ANK3: variants seen among roughly 807,000 people sequenced by gnomAD.
ANK3 encodes the protein ankyrin-3.
A neutral mutation model predicts 370.9 loss-of-function variants in ANK3; 57 were observed. That is an observed-to-expected ratio of 0.15 (90% CI 0.12 to 0.19). ANK3 has a LOEUF of 0.19. Ranked by LOEUF, ANK3 falls within the 10% of genes least tolerant of loss-of-function variation. The pLI, the probability that ANK3 is intolerant of heterozygous loss-of-function variation, is 1.00. For missense variants in ANK3, 4,439 were observed against 5,302.1 expected, an observed-to-expected ratio of 0.84 and a Z score of 5.06; for synonymous variants, 1,929 against 1,946.3, an observed-to-expected ratio of 0.99 and a Z score of 0.23.
At chr10:60,150,518 A>C (rs2095058973) in intron 23 of ANK3, among the ~76,000 whole-genome samples, 1 of 152,002 alleles carries the variant, frequency 6.6e-6, no homozygotes, top group East Asian at 1.9e-4. Context: ...GTGCCCTCCA[A>C]ATCACATGTT....
At chr10:60,545,964 C>T (rs2076954265) in intron 2 of ANK3, among the ~76,000 whole-genome samples, 1 of 152,170 alleles carries the variant, frequency 6.6e-6, no homozygotes, top group African/African-American at 2.4e-5. Context: ...TAATTTTTGC[C>T]ATGTCTTCCA....
intron 24 of ANK3, among the ~76,000 whole-genome samples, chr10:60,136,800 C>G (rs139502470): frequency 1.3e-5 from 2 of 152,098 alleles, no homozygotes; most frequent in African/African-American, 4.8e-5. Context: ...AAGTTTCACT[C>G]GGAATCCTTA....
chr10:60,646,291 A>G (rs1176733612), intron 1 of ANK3, among the ~76,000 whole-genome samples: 2 of 152,252 alleles, frequency 1.3e-5, no homozygotes, highest in African/African-American at 2.4e-5. Flanking sequence ...TTTATTCTTA[A>G]GAGCAATGAA....
chr10:60,037,692 C>T (rs1026673319), intron 43 of ANK3, among the ~76,000 whole-genome samples: 1 of 152,118 alleles, frequency 6.6e-6, no homozygotes, highest in African/African-American at 2.4e-5. Flanking sequence ...TCCAGTCTAC[C>T]ATTGATGGGC....
In ANK3 at chr10:60,483,421, T is replaced by C. The variant is rs563491649; in HGVS notation, c.96+131765A>G. 2.6e-5 allele frequency among the ~76,000 whole-genome samples: 4 copies of C among 152,262 alleles called. No homozygotes were observed. The South Asian group carries it at 8.3e-4, about 32-fold the overall frequency. ...ATAGCCATAGAAACCAAGGTATAAG[T>C]CTGTAAATAACTACTTGTCGTTTTG... On this transcript the variant is annotated intron_variant, in intron 2 of 43. Coordinates refer to the ANK3 transcript ENST00000373827.
chr10:60,033,905 G>A (rs1234669019), intron 43 of ANK3, among the ~76,000 whole-genome samples: 2 of 152,036 alleles, frequency 1.3e-5, no homozygotes, highest in Non-Finnish European at 2.9e-5. Flanking sequence ...TCCCATACCA[G>A]TTTATATAGA....
chr10:60,493,754 T>C (rs1456342733), intron 2 of ANK3, among the ~76,000 whole-genome samples: 1 of 151,944 alleles, frequency 6.6e-6, no homozygotes, highest in Non-Finnish European at 1.5e-5. Context: ...TATATAGAGA[T>C]GTAAGAACTA....
At chr10:60,277,178 G>A (rs552876996) in intron 4 of ANK3, among the ~76,000 whole-genome samples, 17 of 152,210 alleles carry the variant, frequency 1.1e-4, no homozygotes, top group Admixed American at 8.5e-4. Flanking sequence ...CTGCTATGTC[G>A]GTAGTAAGCA....
intron 2 of ANK3, among the ~76,000 whole-genome samples, chr10:60,490,164 A>G (rs2133118403): frequency 6.6e-6 from 1 of 152,306 alleles, no homozygotes; most frequent in South Asian, 2.1e-4. Context: ...ACCTTAGATG[A>G]ACCATTTTAT....
At chr10:60,259,158 A>C (rs2097772423) in intron 7 of ANK3, among the ~76,000 whole-genome samples, 1 of 152,230 alleles carries the variant, frequency 6.6e-6, no homozygotes, top group South Asian at 2.1e-4. Flanking sequence ...ATGCTAGATT[A>C]TTATACAACA....
intron 2 of ANK3, among the ~76,000 whole-genome samples, chr10:60,470,765 A>G (rs1430097934): frequency 2.0e-5 from 3 of 152,174 alleles, no homozygotes; most frequent in African/African-American, 7.2e-5. Context: ...AGCACAGAGT[A>G]GAGAGGTAAT....
intron 27 of ANK3, among the ~76,000 whole-genome samples, chr10:60,107,687 C>G (rs546332179): frequency 2.6e-5 from 4 of 152,294 alleles, no homozygotes; most frequent in Admixed American, 2.0e-4. Flanking sequence ...TTATTGATGA[C>G]TTCTTCTCAA....
rs541595688 is a variant in ANK3, at chr10:60,512,128, C to T, written c.96+103058G>A. On this transcript the variant is annotated intron_variant, in intron 2 of 43. Coordinates refer to the ANK3 transcript ENST00000373827. ...ATTAAAAAAAAGTACAAGGTGCAGA[C>T]ACCAGTCTGGGTCTTATCTTGTATA... Among the ~76,000 whole-genome samples the T allele has an allele frequency of 3.9e-5, 6 of 152,090 alleles. No homozygotes were observed. In the South Asian group the frequency reaches 1.2e-3, roughly 32 times the overall value.
Position 60,073,966 on chromosome 10 carries a change from G to C in ANK3, c.6915C>G (p.His2305Gln). ...EHKSAVSPDV[H>Q]KSAAETSAQH... is the part of the protein sequence containing the mutation. ...GGGCTGAGGTTTCAGCAGCAGACTT[G>C]TGAACATCTGGAGACACTGCCGACT... is the stretch of plus-strand genomic sequence containing the variant. The change falls in exon 37 of 44, where the codon CAC (histidine) becomes CAG (glutamine). Residue 2305 changes from histidine to glutamine, a missense_variant. By Grantham distance (24) the His-to-Gln change is conservative. Transcript: ENST00000280772. 6.2e-7 allele frequency: 1 copy of C among 1,614,020 alleles called. No homozygotes were observed. The highest frequency in any genetic ancestry group is 8.5e-7 in the Non-Finnish European group (1 of 1,179,996).
At chr10:60,516,318 T>C (rs2076218003) in intron 2 of ANK3, among the ~76,000 whole-genome samples, 1 of 152,086 alleles carries the variant, frequency 6.6e-6, no homozygotes, top group Admixed American at 6.5e-5. Context: ...GTAACACAAA[T>C]CCATGGGACT....
At chr10:60,410,113 C>T (rs751753409) in intron 2 of ANK3, among the ~76,000 whole-genome samples, 15 of 152,002 alleles carry the variant, frequency 9.9e-5, no homozygotes, top group African/African-American at 2.7e-4. Context: ...GTAGGTTTCA[C>T]GGTATCACAC....
At chr10:60,032,772 TA>T (rs2073991981) in intron 43 of ANK3, among the ~76,000 whole-genome samples, 1 of 152,214 alleles carries the variant, frequency 6.6e-6, no homozygotes, top group Admixed American at 6.5e-5. Flanking sequence ...TAGTTCCTCT[TA>T]TAACTTTTTC....
intron 27 of ANK3, chr10:60,108,153 G>T (rs1019487792): frequency 1.7e-5 from 7 of 409,840 alleles, no homozygotes; most frequent in Non-Finnish European, 2.9e-5. Context: ...AAAAAAAATT[G>T]TAGACATTCT....
chr10:60,327,398 T>C (rs1313927560), intron 1 of ANK3, among the ~76,000 whole-genome samples: 2 of 152,222 alleles, frequency 1.3e-5, no homozygotes, highest in Admixed American at 6.5e-5. Flanking sequence ...ACAATACATA[T>C]TAATATGTAA....
Sources: allele counts gnomAD v4.1 joint callset (sites outside exome capture counted in the v4.1 genomes callset), GRCh38; gene constraint gnomAD v4.1.1; transcripts MANE v1.5; gene names NCBI Gene and HGNC (gene_info 2026-07-23, HGNC 2026-07-21).